The following BMAL1 variants were observed in gnomAD, a reference collection of about 807,000 sequenced individuals.
BMAL1 encodes basic helix-loop-helix ARNT-like protein 1.
chr11:13,359,645 T>C, the BMAL1 span, among the ~76,000 whole-genome samples: 1 of 152,238 alleles, frequency 6.6e-6, no homozygotes, highest in South Asian at 2.1e-4. Flanking sequence ...ATCCATTTCC[T>C]TTTATTCCTT....
chr11:13,341,263 T>C, the BMAL1 span, among the ~76,000 whole-genome samples: 1 of 152,204 alleles, frequency 6.6e-6, no homozygotes, highest in South Asian at 2.1e-4. Context: ...AGGCTTCCTG[T>C]CCCACGGATC....
the BMAL1 span, among the ~76,000 whole-genome samples, chr11:13,313,997 C>T: frequency 7.1e-4 from 108 of 151,890 alleles, no homozygotes; most frequent in African/African-American, 2.5e-3. Context: ...ATGCTGGGCC[C>T]TCTCCTGGGA....
the BMAL1 span, among the ~76,000 whole-genome samples, chr11:13,314,229 C>CCACACACACACACACACACACACA: frequency 2.2e-4 from 30 of 138,740 alleles, no homozygotes; most frequent in East Asian, 6.6e-4. Context: ...AGGGTGGAGA[C>CCACACACACACACACACACACACA]CACACACACA....
chr11:13,311,077 G>C, the BMAL1 span, among the ~76,000 whole-genome samples: 686 of 152,336 alleles, frequency 4.5e-3, 4 homozygotes, highest in Admixed American at 6.8e-3. Flanking sequence ...GCTTGTTTAC[G>C]GTGGTATCTT....
At chr11:13,367,820 C>T in the BMAL1 span, among the ~76,000 whole-genome samples, 1 of 151,736 alleles carries the variant, frequency 6.6e-6, no homozygotes, top group East Asian at 1.9e-4. Flanking sequence ...CTCTCTCTGT[C>T]TCAGTTTTCT....
chr11:13,304,861 G>A, the BMAL1 span, among the ~76,000 whole-genome samples: 10 of 152,196 alleles, frequency 6.6e-5, no homozygotes, highest in East Asian at 1.9e-4. Flanking sequence ...CCAGCGGTCC[G>A]GTTGGCTCCT....
At chr11:13,386,391 TTA>T in the BMAL1 span, among the ~76,000 whole-genome samples, 1 of 152,148 alleles carries the variant, frequency 6.6e-6, no homozygotes, top group Non-Finnish European at 1.5e-5. Flanking sequence ...GTAACCCCAC[TTA>T]TTTCTTACGT....
the BMAL1 span, among the ~76,000 whole-genome samples, chr11:13,366,963 T>C: frequency 3.9e-5 from 6 of 152,228 alleles, no homozygotes; most frequent in Admixed American, 3.9e-4. Flanking sequence ...TTTGGTCTTT[T>C]ACATAAAAAG....
At chr11:13,281,107 T>A in the BMAL1 span, among the ~76,000 whole-genome samples, 1 of 152,258 alleles carries the variant, frequency 6.6e-6, no homozygotes, top group East Asian at 1.9e-4. Flanking sequence ...AAGCCTTTCC[T>A]TTGTGCCAGC....
chr11:13,309,356 C>CG, the BMAL1 span, among the ~76,000 whole-genome samples: 3 of 152,122 alleles, frequency 2.0e-5, no homozygotes, highest in Non-Finnish European at 4.4e-5. Context: ...GCCCAGCATC[C>CG]TGGCTGTGGA....
At chr11:13,351,105 A>C in the BMAL1 span, among the ~76,000 whole-genome samples, 2 of 152,218 alleles carry the variant, frequency 1.3e-5, no homozygotes, top group Non-Finnish European at 2.9e-5. Flanking sequence ...GGCTAAGGAC[A>C]AAACATTACG....
the BMAL1 span, chr11:13,372,298 G>T: frequency 6.2e-7 from 1 of 1,614,168 alleles, no homozygotes; most frequent in South Asian, 1.1e-5. Flanking sequence ...GCAATTGGAC[G>T]ACTGCATTCT....
the BMAL1 span, chr11:13,353,431 A>G: frequency 6.6e-6 from 1 of 152,270 alleles, no homozygotes; most frequent in African/African-American, 2.4e-5. Flanking sequence ...GGGACCCCCA[A>G]ACAAGCTCTC....
the BMAL1 span, among the ~76,000 whole-genome samples, chr11:13,344,018 T>C: frequency 6.6e-6 from 1 of 152,140 alleles, no homozygotes; most frequent in Non-Finnish European, 1.5e-5. Flanking sequence ...GGGCCACAAA[T>C]GGGCCCCCCT....
At chr11:13,370,203 CG>C in the BMAL1 span, among the ~76,000 whole-genome samples, 2 of 152,104 alleles carry the variant, frequency 1.3e-5, no homozygotes, top group African/African-American at 4.8e-5. Flanking sequence ...TCCTCCTCCC[CG>C]ACCCCCTGCT....
the BMAL1 span, chr11:13,375,652 A>C: frequency 1.3e-6 from 2 of 1,590,980 alleles, no homozygotes; most frequent in Non-Finnish European, 1.7e-6. Flanking sequence ...ATTGCTATAA[A>C]TTTAAAATCA....
At chr11:13,296,695 T>G in the BMAL1 span, among the ~76,000 whole-genome samples, 14 of 152,238 alleles carry the variant, frequency 9.2e-5, no homozygotes, top group African/African-American at 3.1e-4. Context: ...ATACTTTTTG[T>G]TCCAAATCTT....
the BMAL1 span, among the ~76,000 whole-genome samples, chr11:13,335,048 C>T: frequency 6.6e-6 from 1 of 152,186 alleles, no homozygotes; most frequent in Non-Finnish European, 1.5e-5. Context: ...ACTCAGAGAC[C>T]TGGAGGGGAG....
chr11:13,284,813 T>C, the BMAL1 span, among the ~76,000 whole-genome samples: 1 of 152,150 alleles, frequency 6.6e-6, no homozygotes, highest in East Asian at 1.9e-4. Flanking sequence ...AGAACAGCCC[T>C]GGTGCCAGTG....
Sources: allele counts gnomAD v4.1 joint callset (sites outside exome capture counted in the v4.1 genomes callset), GRCh38; gene constraint gnomAD v4.1.1; transcripts MANE v1.5; gene names NCBI Gene and HGNC (gene_info 2026-07-23, HGNC 2026-07-21).